The following CENPM variants were observed in gnomAD, a reference collection of about 807,000 sequenced individuals.
CENPM encodes interphase centromere complex protein 39.
A neutral mutation model predicts 19.6 loss-of-function variants in CENPM; 14 were observed. The observed-to-expected ratio is 0.71, with a 90% CI of 0.47 to 1.11. CENPM has a LOEUF of 1.11. Ranked by LOEUF, CENPM falls within the 50% of genes most tolerant of loss-of-function variation. CENPM has a pLI of 0.00. For missense variants in CENPM, 239 were observed against 228.4 expected, an observed-to-expected ratio of 1.05 and a Z score of -0.30; for synonymous variants, 114 against 101.5, an observed-to-expected ratio of 1.12 and a Z score of -0.74.
At chr22:41,938,691 G>C (rs1421068220), downstream of CENPM, 5 of 204,644 alleles carry the variant, frequency 2.4e-5, no homozygotes, top group African/African-American at 1.2e-4. Flanking sequence ...TAATTGTTCT[G>C]AGTCAGTTTC....
Position 41,939,888 on chromosome 22 carries a change from A to AAG in CENPM, c.403-694_403-693dup, listed in dbSNP as rs371722909. Reference sequence around the variant, plus strand: ...AGAAAGAAAGAAAGAAAAAGAAAGAAAGAAAGAAAGAAAGAAAGAGCCTCC... The same window carrying AAG: ...AGAAAGAAAGAAAGAAAAAGAAAGAAAGAGAAAGAAAGAAAGAAAGAGCCTCC... On this transcript the variant is annotated intron_variant, in intron 5 of 5. Transcript: ENST00000215980. Among the ~76,000 whole-genome samples, 18 of 54,280 alleles carry AAG rather than the reference A, an allele frequency of 3.3e-4. 2 individuals carry two copies. Among genetic ancestry groups the AAG allele is most frequent in the Admixed American group, 3.1e-3 (16 of 5,214 alleles). 35.6% of individuals were successfully genotyped at this position (54,280 alleles called of 152,430 possible).
intron 2 of CENPM, 95 bp from the exon 3 acceptor site, chr22:41,946,100 G>T: frequency 8.9e-7 from 1 of 1,122,776 alleles, no homozygotes; most frequent in Non-Finnish European, 1.3e-6. Flanking sequence ...GGCCGTCAAG[G>T]GCTCCCCACC....
At chr22:41,943,488 C>A in intron 5 of CENPM, 122 bp downstream of exon 5, 1 of 780,918 alleles carries the variant, frequency 1.3e-6, no homozygotes, top group South Asian at 2.0e-5. Flanking sequence ...CCCTCCCCTT[C>A]AGGAGCTGCC....
the CENPM span, among the ~76,000 whole-genome samples, chr22:41,929,974 C>G: frequency 8.9e-6 from 1 of 112,208 alleles, no homozygotes; most frequent in Non-Finnish European, 1.7e-5. Context: ...GACGGAGTCT[C>G]TCTCTGTCGC....
At chr22:41,940,355 A>G (rs2077728531) in intron 5 of CENPM, 1 of 558,024 alleles carries the variant, frequency 1.8e-6, no homozygotes, top group East Asian at 3.2e-5. Context: ...CATTTACCCC[A>G]TTTGTTTCCT....
intron 3 of CENPM, among the ~76,000 whole-genome samples, 178 bp downstream of exon 3, chr22:41,945,735 C>T (rs1262047161): frequency 6.6e-6 from 1 of 152,066 alleles, no homozygotes; most frequent in Non-Finnish European, 1.5e-5. Flanking sequence ...TGTGCCCGGC[C>T]GTTGTGTATT....
At chr22:41,946,981 G>C in intron 1 of CENPM, 39 bp downstream of exon 1, 1 of 1,607,932 alleles carries the variant, frequency 6.2e-7, no homozygotes, top group Non-Finnish European at 8.5e-7. Context: ...CCGCCCAGGA[G>C]GAAAAACCGG....
Position 41,939,087 on chromosome 22 carries a change from C to G in CENPM, c.512G>C (p.Ser171Thr), listed in dbSNP as rs914989724. 2 of 1,613,050 alleles carry G rather than the reference C, an allele frequency of 1.2e-6. No homozygotes were observed. The highest frequency in any genetic ancestry group is 1.7e-5 in the Admixed American group (1 of 60,024). ...SALNLLSLLRSSEGPSLEDL is the reference protein window; with the variant it reads ...SALNLLSLLRTSEGPSLEDL ...GTCCTCCAGGGAGGGGCCCTCAGAG[C>G]TTCTCAGCAGGGACAGCAGGTTCAG... Residue 171 changes from serine (S) to threonine (T), a missense_variant, in exon 6 of 6, where the codon AGC becomes ACC. Physicochemically the swap from Ser to Thr is moderately conservative, Grantham distance 58. Transcript: ENST00000215980.
downstream of CENPM, among the ~76,000 whole-genome samples, chr22:41,937,101 C>T (rs75692143): frequency 3.9e-5 from 6 of 152,124 alleles, no homozygotes; most frequent in Non-Finnish European, 5.9e-5. Context: ...GGACCTGGCT[C>T]TCTATGGGAT....
chr22:41,943,493 G>A (rs537786215), intron 5 of CENPM, 117 bp downstream of exon 5: 4 of 811,626 alleles, frequency 4.9e-6, no homozygotes, highest in African/African-American at 3.4e-5. Flanking sequence ...CCCTTCAGGA[G>A]CTGCCTCGCT....
chr22:41,933,041 G>C, the CENPM span, among the ~76,000 whole-genome samples: 7 of 152,160 alleles, frequency 4.6e-5, no homozygotes, highest in African/African-American at 1.7e-4. Flanking sequence ...GAGGGTTATG[G>C]GTGCAATTTC....
rs949267021 is a variant in CENPM, at chr22:41,944,604, C to A, written c.310+621G>T. 12 of 906,452 alleles carry A rather than the reference C, an allele frequency of 1.3e-5. 1 individual carries two copies. The East Asian group carries it at 1.3e-3, about 98-fold the overall frequency. 56.2% of individuals were successfully genotyped at this position (906,452 alleles called of 1,614,324 possible). A position where few individuals can be genotyped will look rare whatever the true frequency, so the allele number is the denominator to read the frequency against. On this transcript the variant is annotated intron_variant, in intron 4 of 5. Transcript: ENST00000215980. ...AGGAATATGAAAACAAAGCAATTAC[C>A]GTGTCTGCCTCACAGTGACAGCTCA...
downstream of CENPM, among the ~76,000 whole-genome samples, chr22:41,937,845 CTCCTTT>C (rs2077690384): frequency 6.6e-6 from 1 of 152,040 alleles, no homozygotes. Flanking sequence ...CCCCGCCCCA[CTCCTTT>C]TTTTTTCTTT....
downstream of CENPM, among the ~76,000 whole-genome samples, chr22:41,934,410 T>G (rs1279768612): frequency 1.3e-5 from 2 of 152,314 alleles, no homozygotes; most frequent in East Asian, 3.9e-4. Flanking sequence ...ACCACCTTCC[T>G]TCCAGCTTAT....
At chr22:41,944,727 A>C (rs141955649) in intron 4 of CENPM, 10,607 of 985,414 alleles carry the variant, frequency 0.011, 76 homozygotes, top group Non-Finnish European at 0.012. Flanking sequence ...AGAGAAGGAG[A>C]GTCACCGGAG....
Position 41,947,001 on chromosome 22 carries a change from C to G in CENPM, c.57+19G>C, listed in dbSNP as rs2077813545. On this transcript the variant is annotated intron_variant, in intron 1 of 5. Transcript: ENST00000215980. Reference sequence around the variant, plus strand: ...CAGGAGGAAAAACCGGCGGGGGAAGCAGGGCCGCCTGCACCTACCAAGATG... The same window carrying G: ...CAGGAGGAAAAACCGGCGGGGGAAGGAGGGCCGCCTGCACCTACCAAGATG... The G allele has an allele frequency of 6.2e-7, 1 of 1,611,838 alleles. No individual in the cohort carries two copies. Among genetic ancestry groups the G allele is most frequent in the African/African-American group, 1.3e-5 (1 of 74,920 alleles).
At chr22:41,938,655 GC>G (rs146955254), downstream of CENPM, 490 of 168,410 alleles carry the variant, frequency 2.9e-3, 6 homozygotes, top group African/African-American at 0.011. Flanking sequence ...GTGAGCCTCT[GC>G]ACCTGGCCCA....
chr22:41,946,027 G>C (rs966525025), intron 2 of CENPM, 22 bp from the exon 3 acceptor site: 5 of 1,594,270 alleles, frequency 3.1e-6, no homozygotes, highest in Non-Finnish European at 4.3e-6. Context: ...GAAATTGCAG[G>C]ACTCAAGATA....
chr22:41,928,122 A>T, the CENPM span: 1 of 382,668 alleles, frequency 2.6e-6, no homozygotes. The surrounding 1 kb of genome is among the most constrained non-coding windows in gnomAD (Gnocchi z 4.0). Flanking sequence ...TGGCTGGGGG[A>T]CACGAGGGAG....
Sources: allele counts gnomAD v4.1 joint callset (sites outside exome capture counted in the v4.1 genomes callset), GRCh38; gene constraint gnomAD v4.1.1; non-coding constraint Gnocchi (gnomAD v3.1); transcripts MANE v1.5; gene names NCBI Gene and HGNC (gene_info 2026-07-23, HGNC 2026-07-21).